The following CNBD1 variants were observed in gnomAD, a reference collection of about 807,000 sequenced individuals.
CNBD1 encodes cyclic nucleotide-binding domain-containing protein 1.
In CNBD1, 71 loss-of-function variants were observed where a neutral mutation model predicts 54.4. The observed-to-expected ratio is 1.30, with a 90% confidence interval of 1.08 to 1.59. The LOEUF (loss-of-function observed/expected upper bound fraction) is 1.59. Among genes scored for constraint, CNBD1 ranks in the 40% most tolerant of loss-of-function variants. The pLI is 0.00. For missense variants in CNBD1, 659 were observed against 518.0 expected, an observed-to-expected ratio of 1.27 and a Z score of -2.64; for synonymous variants, 182 against 170.7, an observed-to-expected ratio of 1.07 and a Z score of -0.51.
chr8:87,382,657 T>G lies in CNBD1; in HGVS notation c.*30T>G. The G allele has an allele frequency of 6.7e-7, 1 of 1,483,578 alleles. No homozygotes were observed. The highest frequency in any genetic ancestry group is 9.2e-7 in the Non-Finnish European group (1 of 1,089,762). 91.9% of individuals were successfully genotyped at this position (1,483,578 alleles called of 1,614,324 possible). On this transcript the variant is annotated 3_prime_UTR_variant, in exon 11 of 11. Transcript: ENST00000518476. ...AGAAACAACCTCAGTGAACATTAAT[T>G]AAGAAAGTATTGACTAAATAATGGA...
At chr8:87,199,624 A>G (rs1442089668) in intron 4 of CNBD1, among the ~76,000 whole-genome samples, 1 of 152,228 alleles carries the variant, frequency 6.6e-6, no homozygotes, top group Non-Finnish European at 1.5e-5. Context: ...GCTGTACAGT[A>G]GATTGCTAGA....
chr8:87,330,021 G>A (rs536286056), intron 8 of CNBD1, among the ~76,000 whole-genome samples: 1 of 151,996 alleles, frequency 6.6e-6, no homozygotes, highest in South Asian at 2.1e-4. Flanking sequence ...TATTTTAACT[G>A]TAGGGTTTTT....
intron 4 of CNBD1, among the ~76,000 whole-genome samples, chr8:87,019,610 G>A (rs1041774180): frequency 6.6e-6 from 1 of 152,150 alleles, no homozygotes; most frequent in Admixed American, 6.5e-5. Flanking sequence ...GGGTGCGGTG[G>A]CTCACACTTG....
intron 4 of CNBD1, among the ~76,000 whole-genome samples, chr8:87,159,704 C>A (rs980052159): frequency 6.6e-6 from 1 of 152,006 alleles, no homozygotes; most frequent in Non-Finnish European, 1.5e-5. Context: ...CTGCAGCCAA[C>A]CTAAGGCAAG....
At chr8:87,256,124 G>A (rs1174315397) in intron 6 of CNBD1, among the ~76,000 whole-genome samples, 2 of 145,564 alleles carry the variant, frequency 1.4e-5, no homozygotes, top group African/African-American at 5.1e-5. Flanking sequence ...CTGGGTTCAA[G>A]CGATTCTCCT....
At chr8:87,128,329 C>T (rs111485256) in intron 4 of CNBD1, among the ~76,000 whole-genome samples, 26 of 152,252 alleles carry the variant, frequency 1.7e-4, no homozygotes, top group African/African-American at 5.1e-4. Flanking sequence ...GACACTCAAC[C>T]CTGGATGCTG....
rs139942563 is a variant in CNBD1 at position 87,240,413 on chromosome 8, A to G, written c.771+3301A>G. ...AAAATAGTAATTTTTTTTTACACCA[A>G]AGTTTTCAAACAAGTGGTGTAGTAT... On this transcript the variant is annotated intron_variant, in intron 6 of 10. Coordinates refer to ENST00000518476, the MANE Select transcript of CNBD1 (RefSeq NM_173538.3). Among the ~76,000 whole-genome samples, 478 of 152,246 alleles carry G rather than the reference A, an allele frequency of 3.1e-3. 4 individuals carry two copies. Among genetic ancestry groups the G allele is most frequent in the African/African-American group, 0.011 (439 of 41,556 alleles).
At chr8:87,117,041 AT>A (rs1344229980) in intron 4 of CNBD1, among the ~76,000 whole-genome samples, 1 of 152,198 alleles carries the variant, frequency 6.6e-6, no homozygotes, top group Admixed American at 6.5e-5. Flanking sequence ...GCACATAAAC[AT>A]CACGAAATAA....
At chr8:87,268,517 G>A (rs1414131876) in intron 6 of CNBD1, among the ~76,000 whole-genome samples, 1 of 151,994 alleles carries the variant, frequency 6.6e-6, no homozygotes, top group Non-Finnish European at 1.5e-5. Context: ...AGTTCATTGA[G>A]GAATCCCTAC....
At position 86,866,957 on chromosome 8, in the gene CNBD1, G is replaced by A. The variant is rs951589326; in HGVS notation, c.88+374G>A. On this transcript the variant is annotated intron_variant, in intron 1 of 10. Transcript: ENST00000518476. Reference sequence around the variant, plus strand: ...CCCTACCAAGAGTTGGTCCTACTACGCTTAATGGGATAATTAATACTTAAT... The same window carrying A: ...CCCTACCAAGAGTTGGTCCTACTACACTTAATGGGATAATTAATACTTAAT... Among the ~76,000 whole-genome samples the A allele has an allele frequency of 3.9e-5, 6 of 151,994 alleles. No homozygotes were observed. The South Asian group carries it at 6.2e-4, about 16-fold the overall frequency.
At chr8:87,008,204 A>C (rs1563856202) in intron 4 of CNBD1, among the ~76,000 whole-genome samples, 1 of 152,214 alleles carries the variant, frequency 6.6e-6, no homozygotes, top group Non-Finnish European at 1.5e-5. Flanking sequence ...GGTGGCTATT[A>C]AGTCCTACAT....
intron 9 of CNBD1, 79 bp downstream of exon 9, chr8:87,351,873 C>A (rs1241717203): frequency 1.6e-6 from 2 of 1,243,518 alleles, no homozygotes; most frequent in South Asian, 4.7e-5. Context: ...CATGTACTTA[C>A]TAGACATTTA....
At chr8:87,243,515 T>G (rs1252607243) in intron 6 of CNBD1, among the ~76,000 whole-genome samples, 3 of 152,176 alleles carry the variant, frequency 2.0e-5, no homozygotes, top group Non-Finnish European at 4.4e-5. Flanking sequence ...CTCCATATTC[T>G]TTTACTTGTC....
At chr8:87,059,510 C>T (rs1810497310) in intron 4 of CNBD1, among the ~76,000 whole-genome samples, 1 of 152,174 alleles carries the variant, frequency 6.6e-6, no homozygotes, top group Non-Finnish European at 1.5e-5. Flanking sequence ...TTCTGCAGAG[C>T]TGGGGAGGCC....
chr8:86,900,000 A>C (rs1045451332), intron 2 of CNBD1, among the ~76,000 whole-genome samples: 1 of 151,606 alleles, frequency 6.6e-6, no homozygotes, highest in Non-Finnish European at 1.5e-5. Context: ...TCAAGTATCC[A>C]CTCACTTTCC....
intron 8 of CNBD1, among the ~76,000 whole-genome samples, chr8:87,330,285 T>C (rs781505225): frequency 3.3e-5 from 5 of 151,524 alleles, no homozygotes; most frequent in Non-Finnish European, 7.4e-5. Context: ...TATTAATCTT[T>C]TTGGAAACCA....
chr8:87,332,420 T>C (rs1040544078), intron 8 of CNBD1, among the ~76,000 whole-genome samples: 1 of 152,178 alleles, frequency 6.6e-6, no homozygotes, highest in African/African-American at 2.4e-5. Context: ...TTTGTTGTAA[T>C]TGCTTTTAGC....
intron 4 of CNBD1, among the ~76,000 whole-genome samples, chr8:87,055,652 G>A (rs1008547476): frequency 1.3e-5 from 2 of 152,194 alleles, no homozygotes; most frequent in Admixed American, 6.5e-5. Flanking sequence ...CAGGCAGGCT[G>A]CTTCTCTGAG....
In CNBD1 at chr8:87,223,877, A is replaced by G. The variant is rs4385480; in HGVS notation, c.578-13042A>G. On this transcript the variant is annotated intron_variant, in intron 5 of 10. Coordinates refer to ENST00000518476, the MANE Select transcript of CNBD1 (RefSeq NM_173538.3). ...CCACCAACAGTGTAAAAGTGTTCCT[A>G]TTTCTCCACATTCTCTCCAGCACCT... 9.0e-3 allele frequency among the ~76,000 whole-genome samples: 1,364 copies of G among 152,102 alleles called. 26 individuals carry two copies. The highest frequency in any genetic ancestry group is 0.031 in the African/African-American group (1,292 of 41,484).
Sources: gnomAD v4.1 joint callset for allele counts (sites outside exome capture counted in the v4.1 genomes callset) on GRCh38, gnomAD v4.1.1 for gene constraint, MANE v1.5 for transcripts, NCBI Gene and HGNC (gene_info 2026-07-23, HGNC 2026-07-21) for gene names.